Variants in NAV2 observed in about 807,000 individuals in gnomAD.
NAV2 encodes the protein neuron navigator 2, also known as helicase, APC down-regulated 1.
Under a neutral mutation model 223.2 loss-of-function variants are expected in NAV2, and 54 were observed. The ratio of observed to expected loss-of-function variants is 0.24; its 90% CI spans 0.19 to 0.30. NAV2 has a LOEUF of 0.30. NAV2 is among the 10% of genes least tolerant of loss of function. The pLI, the probability that NAV2 is intolerant of heterozygous loss-of-function variation, is 1.00. For synonymous variants in NAV2, 1,279 were observed against 1,239.3 expected (o/e 1.03, Z -0.67); for missense variants, 2,806 against 3,147.5 (o/e 0.89, Z 2.60).
intron 30 of NAV2, among the ~76,000 whole-genome samples, chr11:20,096,405 G>A (rs2061267911): frequency 6.6e-6 from 1 of 152,126 alleles, no homozygotes; most frequent in South Asian, 2.1e-4. Context: ...TTTTTCTATT[G>A]TCCTGAAGTA....
At chr11:19,753,928 T>C (rs1165067215) in intron 1 of NAV2, among the ~76,000 whole-genome samples, 1 of 152,202 alleles carries the variant, frequency 6.6e-6, no homozygotes, top group East Asian at 1.9e-4. Flanking sequence ...GGGAGAAAGC[T>C]TGGTGGGTGG....
At chr11:19,359,643 G>A (rs918587917) in intron 1 of NAV2, among the ~76,000 whole-genome samples, 2 of 152,226 alleles carry the variant, frequency 1.3e-5, no homozygotes, top group African/African-American at 4.8e-5. Context: ...GACGTCACCA[G>A]TCATTTAGAA....
At chr11:19,789,679 T>C (rs2057388395) in intron 1 of NAV2, among the ~76,000 whole-genome samples, 1 of 152,214 alleles carries the variant, frequency 6.6e-6, no homozygotes, top group African/African-American at 2.4e-5. Flanking sequence ...TTTCATATCC[T>C]GTGAGAATTT....
rs182975603 is a variant in NAV2 at position 19,627,945 on chromosome 11, A to T, written c.76-204539A>T. On this transcript the variant is annotated intron_variant, in intron 1 of 37. Transcript: ENST00000360655. ...AAAAAAAAAGAAGAAGAAGAAGAAG[A>T]AGAGATAATGATAATATCTGGCAGC... 5.3e-3 allele frequency among the ~76,000 whole-genome samples: 797 copies of T among 151,390 alleles called. 5 individuals are homozygous for T. Among genetic ancestry groups the T allele is most frequent in the Middle Eastern group, 0.041 (12 of 292 alleles).
chr11:19,909,391 C>T (rs1405022358), intron 6 of NAV2, among the ~76,000 whole-genome samples: 1 of 152,164 alleles, frequency 6.6e-6, no homozygotes, highest in East Asian at 1.9e-4. Context: ...CCTCTGGAAC[C>T]ACAGCATAGA....
At chr11:20,112,930 G>T (rs1290260861) in intron 36 of NAV2, among the ~76,000 whole-genome samples, 1 of 152,224 alleles carries the variant, frequency 6.6e-6, no homozygotes, top group Non-Finnish European at 1.5e-5. Context: ...CTCCACGGCA[G>T]GATTCGCGGG....
intron 1 of NAV2, among the ~76,000 whole-genome samples, chr11:19,526,377 C>T (rs1233276882): frequency 2.0e-5 from 3 of 151,988 alleles, no homozygotes; most frequent in Non-Finnish European, 4.4e-5. Context: ...ATTGGAATTC[C>T]CAGTCCTGTG....
intron 1 of NAV2, among the ~76,000 whole-genome samples, chr11:19,396,936 G>A (rs1484736374): frequency 6.6e-6 from 1 of 152,196 alleles, no homozygotes; most frequent in Non-Finnish European, 1.5e-5. Flanking sequence ...AGGCTCATGT[G>A]TATTCACCGG....
intron 1 of NAV2, among the ~76,000 whole-genome samples, chr11:19,830,539 C>T (rs796811325): frequency 5.3e-5 from 8 of 152,280 alleles, no homozygotes; most frequent in African/African-American, 1.9e-4. Context: ...AATGAGTTAA[C>T]GTGTGTAAAA....
chr11:19,409,727 G>A (rs1376574123), intron 1 of NAV2, among the ~76,000 whole-genome samples: 1 of 152,158 alleles, frequency 6.6e-6, no homozygotes, highest in Admixed American at 6.5e-5. Flanking sequence ...ACTCTTGGAG[G>A]TGGACTTATG....
intron 4 of NAV2, among the ~76,000 whole-genome samples, chr11:19,870,949 C>T (rs1041507980): frequency 6.6e-6 from 1 of 152,174 alleles, no homozygotes; most frequent in African/African-American, 2.4e-5. Context: ...TGGAGCATTG[C>T]TTCAGAAGAT....
intron 10 of NAV2, among the ~76,000 whole-genome samples, chr11:19,962,703 T>A (rs1007477430): frequency 6.6e-6 from 1 of 152,018 alleles, no homozygotes; most frequent in African/African-American, 2.4e-5. Context: ...AACTGCAGAG[T>A]GAGACAGACA....
intron 11 of NAV2, among the ~76,000 whole-genome samples, chr11:20,010,279 G>A (rs1162157206): frequency 6.6e-6 from 1 of 151,606 alleles, no homozygotes; most frequent in Non-Finnish European, 1.5e-5. Context: ...GGACTGGGGG[G>A]AAAATGGAAT....
intron 3 of NAV2, 132 bp downstream of exon 3, chr11:19,843,055 T>C: frequency 1.4e-6 from 1 of 713,940 alleles, no homozygotes. Flanking sequence ...CTCACAGCTA[T>C]TTCCAAGTAG....
chr11:20,012,441 C>T (rs541940389), intron 11 of NAV2, among the ~76,000 whole-genome samples: 41 of 151,674 alleles, frequency 2.7e-4, no homozygotes, highest in Admixed American at 1.5e-3. Context: ...TTTGGGAGGC[C>T]GAGGCAGGTG....
intron 1 of NAV2, among the ~76,000 whole-genome samples, chr11:19,531,824 T>C (rs1041077478): frequency 5.3e-5 from 8 of 152,174 alleles, no homozygotes; most frequent in African/African-American, 1.9e-4. Flanking sequence ...TTTTATTTAC[T>C]ACCAAGAAAA....
chr11:19,702,222 G>A (rs1012779445), intron 1 of NAV2, among the ~76,000 whole-genome samples: 1 of 152,236 alleles, frequency 6.6e-6, no homozygotes, highest in Non-Finnish European at 1.5e-5. Context: ...AAGGAAGGGA[G>A]AATAGACGGA....
At chr11:19,446,709 C>T (rs929399860) in intron 1 of NAV2, among the ~76,000 whole-genome samples, 17 of 152,280 alleles carry the variant, frequency 1.1e-4, no homozygotes, top group Admixed American at 2.0e-4. Flanking sequence ...ACAGCTGAAC[C>T]GCTGAACTGC....
At chr11:19,587,040 A>G (rs7928521) in intron 1 of NAV2, among the ~76,000 whole-genome samples, 147,126 of 152,320 alleles carry the variant, frequency 0.97, 71,266 homozygotes, top group East Asian at 1. Flanking sequence ...TTCGAGCTTC[A>G]CGGCCGCTTT....
Sources: gnomAD v4.1 joint callset for allele counts (sites outside exome capture counted in the v4.1 genomes callset) on GRCh38, gnomAD v4.1.1 for gene constraint, MANE v1.5 for transcripts, NCBI Gene and HGNC (gene_info 2026-07-23, HGNC 2026-07-21) for gene names.